Variants in SLC35F1 observed in about 807,000 individuals in gnomAD.
SLC35F1 encodes chromosome 6 open reading frame 169.
SLC35F1 carries 14 observed loss-of-function variants against 48.7 expected under a neutral mutation model. The observed-to-expected ratio is 0.29, with a 90% CI of 0.19 to 0.45. The LOEUF is 0.45. SLC35F1 is among the 20% of genes least tolerant of loss of function. The pLI is 1.00. For missense variants in SLC35F1, 404 were observed against 500.0 expected, an observed-to-expected ratio of 0.81 and a Z score of 1.83; for synonymous variants, 190 against 202.2, an observed-to-expected ratio of 0.94 and a Z score of 0.51.
At chr6:118,147,208 A>C (rs1235730416) in intron 1 of SLC35F1, among the ~76,000 whole-genome samples, 1 of 152,170 alleles carries the variant, frequency 6.6e-6, no homozygotes. Flanking sequence ...TCTGTCTGCT[A>C]GAGTTTCCTA....
At chr6:117,917,528 T>C (rs1355702776) in intron 1 of SLC35F1, among the ~76,000 whole-genome samples, 3 of 151,112 alleles carry the variant, frequency 2.0e-5, no homozygotes, top group South Asian at 2.1e-4. Context: ...ACAGGACTGG[T>C]TGAGTGATTT....
intron 1 of SLC35F1, among the ~76,000 whole-genome samples, chr6:118,135,249 G>A (rs1172809709): frequency 1.3e-5 from 2 of 152,134 alleles, no homozygotes; most frequent in African/African-American, 4.8e-5. Context: ...CCTCTTATTT[G>A]TTAACATGCT....
In SLC35F1 at chr6:118,154,757, A is replaced by G. The variant is rs1419234119; in HGVS notation, c.349+137A>G. The G allele has an allele frequency of 5.3e-6, 4 of 748,988 alleles. No individual in the cohort carries two copies. Among genetic ancestry groups the G allele is most frequent in the Non-Finnish European group, 8.1e-6 (4 of 493,394 alleles). The allele number at this position is 748,988 out of a possible 1,614,324, so 46.4% of individuals were successfully genotyped here. A position where few individuals can be genotyped will look rare whatever the true frequency, so the allele number is the denominator to read the frequency against. ...CCCAGATCTTACTTTTCTATTTTGC[A>G]GTAATACAGTAAACAAAATGAGTGA... On this transcript the variant is annotated intron_variant, in intron 2 of 7. Coordinates refer to ENST00000360388, the MANE Select transcript of SLC35F1 (RefSeq NM_001029858.4).
chr6:118,247,678 C>CATT (rs1241736843), intron 3 of SLC35F1, among the ~76,000 whole-genome samples: 2 of 147,598 alleles, frequency 1.4e-5, no homozygotes, highest in African/African-American at 5.4e-5. Flanking sequence ...TGAAACACTT[C>CATT]TGTAGTCCAG....
intron 2 of SLC35F1, among the ~76,000 whole-genome samples, chr6:118,182,519 A>AGAAGGAAGGAAGGGAGGAAG (rs1774594537): frequency 9.4e-6 from 1 of 106,310 alleles, no homozygotes; most frequent in African/African-American, 3.2e-5. Context: ...AGAGAGAGAG[A>AGAAGGAAGGAAGGGAGGAAG]GAAGGAAGGA....
chr6:117,940,602 A>G (rs1776217880), intron 1 of SLC35F1, among the ~76,000 whole-genome samples: 1 of 152,132 alleles, frequency 6.6e-6, no homozygotes, highest in South Asian at 2.1e-4. Context: ...TGTGTTCCGC[A>G]ACAGATAAAT....
At chr6:118,147,187 G>C (rs1458518556) in intron 1 of SLC35F1, among the ~76,000 whole-genome samples, 3 of 152,112 alleles carry the variant, frequency 2.0e-5, no homozygotes, top group African/African-American at 7.2e-5. Flanking sequence ...GGAAAAAGAG[G>C]GAAGAATGTG....
chr6:118,197,523 TC>T (rs1382514864), intron 2 of SLC35F1, among the ~76,000 whole-genome samples: 2 of 152,210 alleles, frequency 1.3e-5, no homozygotes, highest in Non-Finnish European at 2.9e-5. Flanking sequence ...AGTAAAAGTT[TC>T]CCTATCTGAT....
intron 1 of SLC35F1, among the ~76,000 whole-genome samples, chr6:118,070,104 C>T (rs1001300596): frequency 6.5e-5 from 9 of 139,432 alleles, no homozygotes. Context: ...CCACTGCAGT[C>T]CGCAGTCCGG....
At chr6:117,987,737 C>T (rs1776866218) in intron 1 of SLC35F1, among the ~76,000 whole-genome samples, 1 of 152,146 alleles carries the variant, frequency 6.6e-6, no homozygotes, top group Non-Finnish European at 1.5e-5. Context: ...ATATAAGCTG[C>T]TTGGATAGTA....
At chr6:117,997,730 A>AT (rs1331215367) in intron 1 of SLC35F1, among the ~76,000 whole-genome samples, 1 of 152,216 alleles carries the variant, frequency 6.6e-6, no homozygotes, top group Non-Finnish European at 1.5e-5. Flanking sequence ...ATGCTGAGAG[A>AT]TTTTGTCACC....
At chr6:118,159,801 T>C (rs1025654256) in intron 2 of SLC35F1, among the ~76,000 whole-genome samples, 4 of 152,230 alleles carry the variant, frequency 2.6e-5, no homozygotes, top group African/African-American at 7.2e-5. Flanking sequence ...TAAGTTTCTC[T>C]TGTCTGTTAT....
intron 1 of SLC35F1, among the ~76,000 whole-genome samples, chr6:117,920,593 T>C (rs1420487874): frequency 6.6e-6 from 1 of 152,168 alleles, no homozygotes; most frequent in Non-Finnish European, 1.5e-5. Context: ...CCAAGAATGC[T>C]AGATGGGAGG....
chr6:118,284,438 T>G (rs991122914), intron 6 of SLC35F1, among the ~76,000 whole-genome samples: 2 of 151,946 alleles, frequency 1.3e-5, no homozygotes, highest in African/African-American at 4.8e-5. Context: ...CAAAACAGAG[T>G]ACCCATGTCT....
intron 1 of SLC35F1, among the ~76,000 whole-genome samples, chr6:118,130,263 T>A (rs567625567): frequency 1.3e-5 from 2 of 152,306 alleles, no homozygotes; most frequent in South Asian, 4.1e-4. Flanking sequence ...CATGGCATGA[T>A]TTCAATAAAT....
At chr6:118,154,687 A>C in intron 2 of SLC35F1, 67 bp downstream of exon 2, 1 of 1,446,188 alleles carries the variant, frequency 6.9e-7, no homozygotes, top group South Asian at 1.5e-5. Context: ...AGCCATGACC[A>C]GATAACGTTT....
intron 5 of SLC35F1, among the ~76,000 whole-genome samples, chr6:118,276,742 A>G (rs1182876684): frequency 6.6e-6 from 1 of 152,202 alleles, no homozygotes; most frequent in Admixed American, 6.5e-5. Flanking sequence ...ATATGTTCAG[A>G]GATCTAGTGC....
At chr6:118,065,529 C>T (rs1469619633) in intron 1 of SLC35F1, among the ~76,000 whole-genome samples, 1 of 152,130 alleles carries the variant, frequency 6.6e-6, no homozygotes, top group Non-Finnish European at 1.5e-5. Context: ...CATGTACCAA[C>T]ATATCACATG....
At chr6:118,035,345 G>T (rs1465975509) in intron 1 of SLC35F1, among the ~76,000 whole-genome samples, 1 of 151,858 alleles carries the variant, frequency 6.6e-6, no homozygotes, top group East Asian at 1.9e-4. Context: ...AGTGGCTCAT[G>T]CCTGTAATTC....
Sources: gnomAD v4.1 joint callset for allele counts (sites outside exome capture counted in the v4.1 genomes callset) on GRCh38, gnomAD v4.1.1 for gene constraint, MANE v1.5 for transcripts, NCBI Gene and HGNC (gene_info 2026-07-23, HGNC 2026-07-21) for gene names.